EFCAB12: variants seen among roughly 807,000 people sequenced by gnomAD.
The protein encoded by EFCAB12 is EF-hand calcium-binding domain-containing protein 12.
A neutral mutation model predicts 53.6 loss-of-function variants in EFCAB12; 43 were observed. The ratio of observed to expected loss-of-function variants is 0.80; its 90% CI spans 0.63 to 1.03. EFCAB12 has a LOEUF of 1.03. Ranked by LOEUF, EFCAB12 falls within the 50% of genes least tolerant of loss-of-function variation. The probability of loss-of-function intolerance (pLI) is 0.00; values close to 1 mark genes in which losing one functional copy is unlikely to be tolerated. For missense variants in EFCAB12, 646 were observed against 730.6 expected, an observed-to-expected ratio of 0.88 and a Z score of 1.34; for synonymous variants, 269 against 289.2, an observed-to-expected ratio of 0.93 and a Z score of 0.71.
At chr3:129,412,842 G>A (rs529957778) in intron 4 of EFCAB12, 13 of 152,350 alleles carry the variant, frequency 8.5e-5, no homozygotes, top group African/African-American at 2.9e-4. Flanking sequence ...CGAAAGCTGG[G>A]GCTTTGGCTG....
At chr3:129,407,878 C>T (rs750576554) in intron 6 of EFCAB12, among the ~76,000 whole-genome samples, 12 of 152,354 alleles carry the variant, frequency 7.9e-5, no homozygotes, top group Admixed American at 3.9e-4. Flanking sequence ...CGCACTACTA[C>T]ACTCTAGCCT....
At position 129,428,600 on chromosome 3, in the gene EFCAB12, G is replaced by T; in HGVS notation, c.-112C>A. On this transcript the variant is annotated 5_prime_UTR_variant, in exon 1 of 9. Coordinates refer to ENST00000505956, the MANE Select transcript of EFCAB12 (RefSeq NM_207307.3). The stretch of plus-strand genomic sequence containing the variant: ...GATAAACCGTAACTCCAAGTCGTGC[G>T]AAAGGCGCTCAGCTCAGACTGCAGA... 7.4e-7 allele frequency: 1 copy of T among 1,351,240 alleles called. No individual in the cohort carries two copies. The highest frequency in any genetic ancestry group is 2.5e-5 in the East Asian group (1 of 39,658). 83.7% of individuals were successfully genotyped at this position (1,351,240 alleles called of 1,614,324 possible).
chr3:129,418,339 A>T lies in EFCAB12; in HGVS notation c.596T>A (p.Ile199Asn). The T allele has an allele frequency of 1.2e-6, 2 of 1,613,826 alleles. No homozygotes were observed. The highest frequency in any genetic ancestry group is 8.5e-7 in the Non-Finnish European group (1 of 1,179,808). The change falls in exon 3 of 9, where the codon ATC becomes AAC. Residue 199 changes from isoleucine (I) to asparagine (N), a missense_variant. Ile to Asn is a moderately radical substitution (Grantham distance 149). Coordinates refer to ENST00000505956, the MANE Select transcript of EFCAB12 (RefSeq NM_207307.3). The stretch of plus-strand genomic sequence containing the variant: ...CTTGTGAAATATCTCCAGGATCTTG[A>T]TCTTGCGGCTATGCAGGTAGGAGTA... Reference protein sequence around the residue: ...VMYSYLHSRKIKILEIFHKVG... With the variant: ...VMYSYLHSRKNKILEIFHKVG...
chr3:129,422,859 T>G (rs2072206766), intron 1 of EFCAB12, among the ~76,000 whole-genome samples: 1 of 152,162 alleles, frequency 6.6e-6, no homozygotes, highest in African/African-American at 2.4e-5. Context: ...GTCCTCGGTT[T>G]GGGCAGCAAT....
At position 129,410,707 on chromosome 3, in the gene EFCAB12, T is replaced by C. The variant is rs536324887; in HGVS notation, c.1035+451A>G. 2.6e-5 allele frequency among the ~76,000 whole-genome samples: 4 copies of C among 152,312 alleles called. No homozygotes were observed. The East Asian group carries it at 7.7e-4, about 29-fold the overall frequency. ...GTCAGCTTCCTAGGGGCAGGGACTG[T>C]TATGCTTACTATAACACCCGGAAGA... On this transcript the variant is annotated intron_variant, in intron 5 of 8. Coordinates refer to ENST00000505956, the MANE Select transcript of EFCAB12 (RefSeq NM_207307.3).
chr3:129,428,315 C>A, intron 1 of EFCAB12, 125 bp downstream of exon 1: 1 of 1,342,802 alleles, frequency 7.4e-7, no homozygotes, highest in South Asian at 1.3e-5. Flanking sequence ...CCCCCGACTC[C>A]ATGGCAACCC....
intron 4 of EFCAB12, chr3:129,412,446 A>T (rs2072055993): frequency 7.1e-6 from 1 of 140,662 alleles, no homozygotes; most frequent in African/African-American, 3.2e-5. Context: ...AGATAGATAG[A>T]TAGATAGATA....
chr3:129,404,315 C>T lies in EFCAB12; in HGVS notation c.1338G>A (p.Lys446=), dbSNP rs2071917410. ...RQPGGYYSDW[K]VFSPNLALLR... ...GCAGAGCCAGATTCGGAGAAAAGAC[C>T]TTCCAGTCAGAGTAGTAGCCTCCCG... Residue 446 remains lysine, a synonymous_variant, in exon 7 of 9, where the codon AAG becomes AAA. Coordinates refer to ENST00000505956, the MANE Select transcript of EFCAB12 (RefSeq NM_207307.3). The T allele has an allele frequency of 6.2e-7, 1 of 1,613,736 alleles. No homozygotes were observed.
At chr3:129,403,472 G>A (rs779376565) in intron 7 of EFCAB12, 3 of 152,270 alleles carry the variant, frequency 2.0e-5, no homozygotes, top group South Asian at 2.1e-4. Context: ...TCTCTACAGG[G>A]CCCTGCTGTG....
Position 129,402,550 on chromosome 3 carries a change from C to G in EFCAB12, c.1433G>C (p.Arg478Pro). Residue 478 changes from arginine to proline, a missense_variant, in exon 8 of 9, where the codon CGC (arginine) becomes CCC (proline). Arg to Pro is a moderately radical substitution (Grantham distance 103). Coordinates refer to ENST00000505956, the MANE Select transcript of EFCAB12 (RefSeq NM_207307.3). ...GGTAAATTCCTCAAACTCCTTAAAG[C>G]GCATTTTCTTGCTTTTCTTTGGCGT... Reference protein sequence around the residue: ...KKTPKKSKKMRFKEFEEFTRK... With the variant: ...KKTPKKSKKMPFKEFEEFTRK... The G allele has an allele frequency of 6.2e-7, 1 of 1,613,040 alleles. No individual in the cohort carries two copies. Among genetic ancestry groups the G allele is most frequent in the African/African-American group, 1.3e-5 (1 of 75,046 alleles).
chr3:129,406,784 T>C (rs907653790), intron 6 of EFCAB12, among the ~76,000 whole-genome samples: 5 of 152,038 alleles, frequency 3.3e-5, no homozygotes, highest in Admixed American at 3.3e-4. Context: ...ATTATAGGCA[T>C]GAGCCACTTC....
At position 129,401,342 on chromosome 3, in the gene EFCAB12, C is replaced by A. The variant is rs972443908; in HGVS notation, c.*251G>T. On this transcript the variant is annotated 3_prime_UTR_variant, in exon 9 of 9. Coordinates refer to ENST00000505956, the MANE Select transcript of EFCAB12 (RefSeq NM_207307.3). ...CAGGTGAAATGAGAAAAACTCCAAC[C>A]TGCTTTATGTAGAAAGGGCAGAGGT... 3 of 419,130 alleles carry A rather than the reference C, an allele frequency of 7.2e-6. No homozygotes were observed. The highest frequency in any genetic ancestry group is 6.0e-5 in the African/African-American group (3 of 49,740). The allele number at this position is 419,130 out of a possible 1,614,324, so 26.0% of individuals were successfully genotyped here.
rs1385231260 is a variant in EFCAB12 at position 129,421,352 on chromosome 3, A to G, written c.486+15T>C. 6.3e-7 allele frequency: 1 copy of G among 1,590,950 alleles called. No individual in the cohort carries two copies. The highest frequency in any genetic ancestry group is 8.6e-7 in the Non-Finnish European group (1 of 1,165,948). ...AAACCCTTGGTGTCTTCATCTGGCA[A>G]ATGGGGCTGCTCACCCTGGTGGTCC... On this transcript the variant is annotated intron_variant, in intron 2 of 8. Coordinates refer to ENST00000505956, the MANE Select transcript of EFCAB12 (RefSeq NM_207307.3).
At chr3:129,402,395 C>T (rs2071884102) in intron 8 of EFCAB12, 128 bp downstream of exon 8, 1 of 1,020,368 alleles carries the variant, frequency 9.8e-7, no homozygotes, top group Non-Finnish European at 1.5e-6. Context: ...TGTGTTGTGT[C>T]ACTGCCTCTC....
chr3:129,406,185 C>T (rs1014070257), intron 6 of EFCAB12, among the ~76,000 whole-genome samples: 1 of 152,152 alleles, frequency 6.6e-6, no homozygotes, highest in East Asian at 1.9e-4. Context: ...GCAGCTCCAC[C>T]ACTGCGTAAG....
chr3:129,418,617 G>A (rs1437582352), intron 2 of EFCAB12, 169 bp from the exon 3 acceptor site: 1 of 493,168 alleles, frequency 2.0e-6, no homozygotes, highest in African/African-American at 2.0e-5. Flanking sequence ...CAAAATGCCT[G>A]GGAGACTTTG....
intron 7 of EFCAB12, chr3:129,402,940 C>T (rs1022189766): frequency 9.2e-6 from 2 of 217,532 alleles, no homozygotes; most frequent in African/African-American, 4.7e-5. Flanking sequence ...GCTCCTACTC[C>T]CCACTCCAGA....
intron 3 of EFCAB12, 65 bp downstream of exon 3, chr3:129,418,189 C>A: frequency 6.9e-7 from 1 of 1,443,012 alleles, no homozygotes; most frequent in Admixed American, 2.3e-5. Flanking sequence ...GCGGGGGTGG[C>A]AAAGAGGGAG....
chr3:129,426,290 A>C (rs1258832476), intron 1 of EFCAB12, among the ~76,000 whole-genome samples: 2 of 150,388 alleles, frequency 1.3e-5, no homozygotes, highest in East Asian at 3.9e-4. Context: ...ACTTGGAATT[A>C]GCTCCAAGTT....
Sources: allele counts gnomAD v4.1 joint callset (sites outside exome capture counted in the v4.1 genomes callset), GRCh38; gene constraint gnomAD v4.1.1; transcripts MANE v1.5; gene names NCBI Gene and HGNC (gene_info 2026-07-23, HGNC 2026-07-21).